The following UHRF2 variants were observed in gnomAD, a reference collection of about 807,000 sequenced individuals.
The protein encoded by UHRF2 is E3 ubiquitin-protein ligase UHRF2.
UHRF2 carries 23 observed loss-of-function variants against 96.8 expected under a neutral mutation model. The ratio of observed to expected loss-of-function variants is 0.24; its 90% CI spans 0.17 to 0.34. UHRF2 has a LOEUF of 0.34. Ranked by LOEUF, UHRF2 falls within the 10% of genes least tolerant of loss-of-function variation. UHRF2 has a pLI of 1.00. For missense variants in UHRF2, 685 were observed against 981.5 expected, an observed-to-expected ratio of 0.70 and a Z score of 4.04; for synonymous variants, 385 against 332.6, an observed-to-expected ratio of 1.16 and a Z score of -1.72.
chr9:6,499,830 A>C lies in UHRF2; in HGVS notation c.1909-5A>C, dbSNP rs1226013744. 11 of 1,471,690 alleles carry C rather than the reference A, an allele frequency of 7.5e-6. No individual in the cohort carries two copies. Among genetic ancestry groups the C allele is most frequent in the Admixed American group, 1.8e-5 (1 of 54,850 alleles). The allele number at this position is 1,471,690 out of a possible 1,614,324, so 91.2% of individuals were successfully genotyped here. On this transcript the variant is annotated splice_region_variant and splice_polypyrimidine_tract_variant and intron_variant, in intron 12 of 15. Transcript: ENST00000276893. ...ATTGTACTCTCCCTCCTCCCCCCCC[A>C]TCAGTATCCAGCAGGTTACCCTTCA... is the stretch of plus-strand genomic sequence containing the variant.
intron 3 of UHRF2, among the ~76,000 whole-genome samples, chr9:6,437,277 G>T (rs1239471774): frequency 2.0e-5 from 3 of 152,194 alleles, no homozygotes; most frequent in Admixed American, 2.0e-4. Flanking sequence ...CTGTTGCTCA[G>T]TCTGGAGTGC....
intron 4 of UHRF2, among the ~76,000 whole-genome samples, chr9:6,463,937 C>G (rs542318181): frequency 6.6e-6 from 1 of 152,244 alleles, no homozygotes; most frequent in Admixed American, 6.5e-5. Context: ...TATCCTGGCA[C>G]TTGTGTGCAT....
intron 3 of UHRF2, among the ~76,000 whole-genome samples, chr9:6,457,049 T>A (rs748792538): frequency 7.9e-5 from 12 of 152,204 alleles, no homozygotes; most frequent in Non-Finnish European, 1.8e-4. Flanking sequence ...GTGAAGAAAG[T>A]CATTGTCAGT....
At chr9:6,442,796 C>T (rs375666215) in intron 3 of UHRF2, among the ~76,000 whole-genome samples, 5 of 151,940 alleles carry the variant, frequency 3.3e-5, no homozygotes, top group South Asian at 2.1e-4. Flanking sequence ...TGGCATGGCA[C>T]GAACTTCATG....
At chr9:6,417,651 A>T (rs1314431924) in intron 1 of UHRF2, among the ~76,000 whole-genome samples, 1 of 152,184 alleles carries the variant, frequency 6.6e-6, no homozygotes, top group African/African-American at 2.4e-5. Context: ...AGTACCTATG[A>T]ATTAGCGAAG....
intron 8 of UHRF2, among the ~76,000 whole-genome samples, chr9:6,483,746 A>G (rs1268778370): frequency 2.0e-5 from 3 of 150,502 alleles, no homozygotes; most frequent in East Asian, 2.0e-4. Context: ...CTGGAGTGCA[A>G]TGGCACGATC....
intron 9 of UHRF2, among the ~76,000 whole-genome samples, chr9:6,492,044 A>G (rs944224115): frequency 5.3e-5 from 8 of 152,158 alleles, no homozygotes; most frequent in Non-Finnish European, 1.0e-4. Flanking sequence ...TTCCATAGGA[A>G]AAATAGCCTG....
chr9:6,423,901 C>T (rs867440451), intron 2 of UHRF2, among the ~76,000 whole-genome samples: 4 of 151,528 alleles, frequency 2.6e-5, no homozygotes, highest in South Asian at 4.2e-4. Flanking sequence ...GCCAAGATTG[C>T]GCCACTGCAC....
chr9:6,484,062 T>A (rs1407390365), intron 8 of UHRF2, among the ~76,000 whole-genome samples: 3 of 151,456 alleles, frequency 2.0e-5, no homozygotes, highest in African/African-American at 7.3e-5. Flanking sequence ...TACCTTCTTA[T>A]TTCTTTCTTT....
chr9:6,450,975 A>G (rs1184907682), intron 3 of UHRF2, among the ~76,000 whole-genome samples: 4 of 152,244 alleles, frequency 2.6e-5, no homozygotes, highest in East Asian at 1.9e-4. Flanking sequence ...ATACTTAAAT[A>G]TACCATGGGT....
chr9:6,456,612 C>G (rs1450051038), intron 3 of UHRF2, among the ~76,000 whole-genome samples: 1 of 152,130 alleles, frequency 6.6e-6, no homozygotes, highest in Admixed American at 6.5e-5. Context: ...TTGCCCATGC[C>G]TTTGTCCAGC....
chr9:6,505,250 A>G (rs1328715180), intron 15 of UHRF2, among the ~76,000 whole-genome samples: 2 of 152,050 alleles, frequency 1.3e-5, no homozygotes, highest in African/African-American at 2.4e-5. Flanking sequence ...TGTATGTTTA[A>G]TGTATTTAGT....
In UHRF2 at chr9:6,500,718, A is replaced by C; in HGVS notation, c.2163+9A>C. The C allele has an allele frequency of 1.3e-6, 2 of 1,594,682 alleles. No individual in the cohort carries two copies. Among genetic ancestry groups the C allele is most frequent in the Non-Finnish European group, 1.7e-6 (2 of 1,173,292 alleles). ...ATCTTGTGGAAGGACCAGTATGTGA[A>C]GATTTTTTTAAATAATAACATTCTG... is the stretch of plus-strand genomic sequence containing the variant. On this transcript the variant is annotated intron_variant, in intron 14 of 15. Transcript: ENST00000276893.
chr9:6,420,892 A>T lies in UHRF2; in HGVS notation c.154-20A>T. The T allele has an allele frequency of 6.3e-7, 1 of 1,579,854 alleles. No homozygotes were observed. The highest frequency in any genetic ancestry group is 8.7e-7 in the Non-Finnish European group (1 of 1,148,924). On this transcript the variant is annotated intron_variant, in intron 1 of 15. Transcript: ENST00000276893. ...ATACATTTTAGAGAAGCATTTCACT[A>T]TTCTTTCTTTATTTTCTAGTTGGAA...
chr9:6,467,338 A>G (rs1822930916), intron 4 of UHRF2, among the ~76,000 whole-genome samples: 1 of 151,906 alleles, frequency 6.6e-6, no homozygotes, highest in African/African-American at 2.4e-5. Context: ...TTCCCCTGTG[A>G]TTATATTGGA....
chr9:6,475,349 A>T, intron 4 of UHRF2, 42 bp from the exon 5 acceptor site: 1 of 1,301,940 alleles, frequency 7.7e-7, no homozygotes, highest in Non-Finnish European at 1.0e-6. Context: ...TATACCTTAG[A>T]TTTTGCTGGC....
Position 6,461,050 on chromosome 9 carries a change from C to G in UHRF2, c.863+259C>G, listed in dbSNP as rs1318967785. Among the ~76,000 whole-genome samples the G allele has an allele frequency of 3.3e-5, 5 of 152,158 alleles. No homozygotes were observed. The East Asian group carries it at 9.6e-4, about 29-fold the overall frequency. On this transcript the variant is annotated intron_variant, in intron 4 of 15. Coordinates refer to ENST00000276893, the MANE Select transcript of UHRF2 (RefSeq NM_152896.3). ...GAGTGTTTTATTACAGAAATTCTTA[C>G]TTCCTCATAGGATTCTTATAGATTG... is the stretch of plus-strand genomic sequence containing the variant.
chr9:6,462,866 G>A (rs926619117), intron 4 of UHRF2, among the ~76,000 whole-genome samples: 1 of 152,158 alleles, frequency 6.6e-6, no homozygotes, highest in Non-Finnish European at 1.5e-5. Context: ...GCAGTAAGCC[G>A]AGATCATGCC....
intron 11 of UHRF2, 32 bp downstream of exon 11, chr9:6,497,392 A>G (rs368630831): frequency 2.8e-5 from 45 of 1,606,786 alleles, no homozygotes; most frequent in Non-Finnish European, 3.7e-5. Flanking sequence ...CTTGTTTGTC[A>G]TTCTTCCTGG....
Sources: gnomAD v4.1 joint callset for allele counts (sites outside exome capture counted in the v4.1 genomes callset) on GRCh38, gnomAD v4.1.1 for gene constraint, MANE v1.5 for transcripts, NCBI Gene and HGNC (gene_info 2026-07-23, HGNC 2026-07-21) for gene names.